The following LPAR1 variants were observed in gnomAD, a reference collection of about 807,000 sequenced individuals.
The protein encoded by LPAR1 is lysophosphatidic acid receptor 1.
A neutral mutation model predicts 23.8 loss-of-function variants in LPAR1; 5 were observed. The observed-to-expected ratio is 0.21, with a 90% CI of 0.11 to 0.44. LPAR1 has a LOEUF of 0.44. Ranked by LOEUF, LPAR1 falls within the 20% of genes least tolerant of loss-of-function variation. The probability of loss-of-function intolerance (pLI) is 0.99; values close to 1 mark genes in which losing one functional copy is unlikely to be tolerated. For missense variants in LPAR1, 311 were observed against 482.8 expected, an observed-to-expected ratio of 0.64 and a Z score of 3.33; for synonymous variants, 160 against 164.7, an observed-to-expected ratio of 0.97 and a Z score of 0.22.
intron 5 of LPAR1, among the ~76,000 whole-genome samples, chr9:110,886,468 T>C (rs1355603702): frequency 2.0e-5 from 3 of 149,080 alleles, no homozygotes; most frequent in African/African-American, 7.4e-5. Context: ...AAAGAGATTA[T>C]CTGGTAAGCC....
intron 2 of LPAR1, among the ~76,000 whole-genome samples, chr9:110,992,922 C>T (rs1437969578): frequency 6.6e-6 from 1 of 151,962 alleles, no homozygotes; most frequent in African/African-American, 2.4e-5. Flanking sequence ...GTGATAATTT[C>T]GAGAGTATAT....
intron 5 of LPAR1, among the ~76,000 whole-genome samples, chr9:110,916,614 C>G (rs1280682279): frequency 1.7e-5 from 2 of 118,014 alleles, no homozygotes; most frequent in Admixed American, 8.8e-5. Context: ...TATTATTATG[C>G]AGAAACCCTT....
intron 4 of LPAR1, among the ~76,000 whole-genome samples, chr9:110,964,604 A>T (rs2096129585): frequency 6.6e-6 from 1 of 151,996 alleles, no homozygotes; most frequent in African/African-American, 2.4e-5. Flanking sequence ...TGTTATTTTT[A>T]TTTTTGTGAA....
At chr9:111,007,134 C>G (rs1355624836) in intron 2 of LPAR1, among the ~76,000 whole-genome samples, 1 of 152,120 alleles carries the variant, frequency 6.6e-6, no homozygotes, top group African/African-American at 2.4e-5. Flanking sequence ...CACCTACTGC[C>G]ATGACTGTAA....
intron 2 of LPAR1, among the ~76,000 whole-genome samples, chr9:111,011,571 G>A (rs576612260): frequency 3.5e-4 from 53 of 152,314 alleles, no homozygotes; most frequent in African/African-American, 1.1e-3. Flanking sequence ...ATAGAGATCA[G>A]ATTGTCTGTT....
In LPAR1 at chr9:110,875,020, C is replaced by T. The variant is rs889998104; in HGVS notation, c.*401G>A. 9.0e-5 allele frequency: 14 copies of T among 155,988 alleles called. No homozygotes were observed. Among genetic ancestry groups the T allele is most frequent in the Non-Finnish European group, 1.7e-4 (12 of 70,780 alleles). 9.7% of individuals were successfully genotyped at this position (155,988 alleles called of 1,614,324 possible). On this transcript the variant is annotated 3_prime_UTR_variant, in exon 6 of 6. Transcript: ENST00000683809. ...ACGTGTTTATTAAGTGAAACGTATCCTTTAAAAATAAAAAAGGGAAGCCTG... is the reference window on the plus strand; with the variant it reads ...ACGTGTTTATTAAGTGAAACGTATCTTTTAAAAATAAAAAAGGGAAGCCTG...
At chr9:110,891,000 TA>T (rs759359697) in intron 5 of LPAR1, among the ~76,000 whole-genome samples, 16 of 152,216 alleles carry the variant, frequency 1.1e-4, no homozygotes, top group Non-Finnish European at 1.6e-4. Flanking sequence ...AACGATATAC[TA>T]GAAGTATTCC....
intron 2 of LPAR1, among the ~76,000 whole-genome samples, chr9:110,984,236 C>CA (rs1319547054): frequency 2.0e-5 from 3 of 151,754 alleles, no homozygotes; most frequent in Non-Finnish European, 4.4e-5. Context: ...ACCCATTAAC[C>CA]AACCCACCTT....
rs548260583 is a variant in LPAR1 at position 110,873,648 on chromosome 9, G to A, written c.*1773C>T. ...ACTGATGCAACTACTAGTCTACCTG[G>A]ACAACATATTAAACAGGTATCACCT... is the stretch of plus-strand genomic sequence containing the variant. On this transcript the variant is annotated 3_prime_UTR_variant, in exon 6 of 6. Transcript: ENST00000683809. 1 of 152,284 alleles carries A rather than the reference G, an allele frequency of 6.6e-6. No homozygotes were observed. The highest frequency in any genetic ancestry group is 2.1e-4 in the South Asian group (1 of 4,820). 9.4% of individuals were successfully genotyped at this position (152,284 alleles called of 1,614,324 possible). A position where few individuals can be genotyped will look rare whatever the true frequency, so the allele number is the denominator to read the frequency against.
Position 110,875,482 on chromosome 9 carries a change from G to C in LPAR1, c.1034C>G (p.Ala345Gly), listed in dbSNP as rs2078860868. 6.2e-7 allele frequency: 1 copy of C among 1,614,108 alleles called. No homozygotes were observed. The highest frequency in any genetic ancestry group is 8.5e-7 in the Non-Finnish European group (1 of 1,179,978). ...TGPTEGSDRS[A>G]SSLNHTILAG... ...CAAGATGGTGTGGTTGAGGGAGGAA[G>C]CCGAGCGGTCTGAGCCTTCTGTGGG... Residue 345 changes from alanine (A) to glycine (G), a missense_variant, in exon 6 of 6, where the codon GCT (alanine) becomes GGT (glycine). Transcript: ENST00000683809.
At chr9:110,886,624 G>A (rs184264844) in intron 5 of LPAR1, among the ~76,000 whole-genome samples, 15 of 152,152 alleles carry the variant, frequency 9.9e-5, no homozygotes, top group Admixed American at 9.8e-4. Context: ...TCATAAAAAA[G>A]ACAGTAAGAT....
intron 5 of LPAR1, among the ~76,000 whole-genome samples, chr9:110,876,146 G>T (rs1051485287): frequency 6.6e-6 from 1 of 152,146 alleles, no homozygotes; most frequent in Non-Finnish European, 1.5e-5. Context: ...TCTGGATTCA[G>T]GTTGTCTGGG....
At chr9:110,997,754 C>T (rs1319369853) in intron 2 of LPAR1, among the ~76,000 whole-genome samples, 1 of 152,196 alleles carries the variant, frequency 6.6e-6, no homozygotes, top group Non-Finnish European at 1.5e-5. Flanking sequence ...TTATATTCTA[C>T]ATTTATTGCT....
chr9:110,908,473 A>T (rs2134219186), intron 5 of LPAR1, among the ~76,000 whole-genome samples: 1 of 152,242 alleles, frequency 6.6e-6, no homozygotes, highest in East Asian at 1.9e-4. Context: ...GTCTCTTATC[A>T]CATCTTATGT....
At chr9:110,930,070 G>C (rs2094303091) in intron 5 of LPAR1, among the ~76,000 whole-genome samples, 1 of 152,122 alleles carries the variant, frequency 6.6e-6, no homozygotes, top group African/African-American at 2.4e-5. Flanking sequence ...GGCCATTACA[G>C]ACTGTAAAAC....
intron 2 of LPAR1, among the ~76,000 whole-genome samples, chr9:110,992,197 A>G (rs1360160934): frequency 6.6e-6 from 1 of 152,186 alleles, no homozygotes; most frequent in Non-Finnish European, 1.5e-5. Flanking sequence ...TTCAAAATTC[A>G]AAAAGGGGCA....
rs186715274 is a variant in LPAR1 at position 110,917,167 on chromosome 9, G to A, written c.793+24254C>T. Among the ~76,000 whole-genome samples, 564 of 141,466 alleles carry A rather than the reference G, an allele frequency of 4.0e-3. 4 individuals carry two copies. The highest frequency in any genetic ancestry group is 6.4e-3 in the Non-Finnish European group (424 of 66,390). 92.8% of individuals were successfully genotyped at this position (141,466 alleles called of 152,430 possible). The stretch of plus-strand genomic sequence containing the variant: ...AGCCTGGCTAACAAAGTGCAACCTC[G>A]TCTCTACTAAAAATACAAAAAAAAA... On this transcript the variant is annotated intron_variant, in intron 5 of 5. Coordinates refer to ENST00000683809, the MANE Select transcript of LPAR1 (RefSeq NM_001351411.2).
intron 2 of LPAR1, among the ~76,000 whole-genome samples, chr9:111,032,233 G>A (rs944031285): frequency 6.6e-6 from 1 of 152,162 alleles, no homozygotes; most frequent in Non-Finnish European, 1.5e-5. Flanking sequence ...ACTGGAGATA[G>A]AAAGCCTCTT....
chr9:110,964,212 G>A (rs2096111754), intron 4 of LPAR1, among the ~76,000 whole-genome samples: 1 of 152,182 alleles, frequency 6.6e-6, no homozygotes, highest in Admixed American at 6.5e-5. Context: ...AAGAGAGGAA[G>A]TGGAATTGCC....
Sources: gnomAD v4.1 joint callset for allele counts (sites outside exome capture counted in the v4.1 genomes callset) on GRCh38, gnomAD v4.1.1 for gene constraint, MANE v1.5 for transcripts, NCBI Gene and HGNC (gene_info 2026-07-23, HGNC 2026-07-21) for gene names.